The following KCNJ6 variants were observed in gnomAD, a reference collection of about 807,000 sequenced individuals.
The protein encoded by KCNJ6 is G protein-activated inward rectifier potassium channel 2.
KCNJ6 carries 9 observed loss-of-function variants against 34.2 expected under a neutral mutation model. The ratio of observed to expected loss-of-function variants is 0.26; its 90% CI spans 0.16 to 0.46. KCNJ6 has a LOEUF of 0.46. KCNJ6 is among the 20% of genes least tolerant of loss of function. KCNJ6 has a pLI of 1.00. For missense variants in KCNJ6, 236 were observed against 531.3 expected (o/e 0.44, Z 5.46); for synonymous variants, 196 against 207.1 (o/e 0.95, Z 0.46).
At chr21:37,686,980 A>G (rs143907376) in intron 3 of KCNJ6, among the ~76,000 whole-genome samples, 1 of 152,134 alleles carries the variant, frequency 6.6e-6, no homozygotes, top group Non-Finnish European at 1.5e-5. Context: ...CAGACTTGCA[A>G]TACACATTCT....
rs1215278055 is a variant in KCNJ6 at position 37,611,860 on chromosome 21, C to T, written c.*13299G>A. On this transcript the variant is annotated 3_prime_UTR_variant, in exon 4 of 4. Transcript: ENST00000609713. ...AACAATATCTAAAAAAAAAACCTTACAGCTAACATCATACTAAATGGCGTG... is the reference window on the plus strand; with the variant it reads ...AACAATATCTAAAAAAAAAACCTTATAGCTAACATCATACTAAATGGCGTG... The T allele has an allele frequency of 6.6e-6, 1 of 151,908 alleles. No homozygotes were observed. Among genetic ancestry groups the T allele is most frequent in the Non-Finnish European group, 1.5e-5 (1 of 67,962 alleles). The allele number at this position is 151,908 out of a possible 1,614,324, so 9.4% of individuals were successfully genotyped here.
At chr21:37,720,881 G>C (rs1041641394) in intron 2 of KCNJ6, among the ~76,000 whole-genome samples, 7 of 150,976 alleles carry the variant, frequency 4.6e-5, no homozygotes, top group South Asian at 2.1e-4. Flanking sequence ...CTAATTTTTT[G>C]TATTTTTAGT....
intron 2 of KCNJ6, among the ~76,000 whole-genome samples, chr21:37,733,670 C>T (rs536311267): frequency 6.6e-6 from 1 of 152,244 alleles, no homozygotes; most frequent in Admixed American, 6.5e-5. Flanking sequence ...TTTGAATGGT[C>T]TGATGCATTG....
At chr21:37,808,077 C>T (rs59796304) in intron 2 of KCNJ6, among the ~76,000 whole-genome samples, 1,684 of 152,314 alleles carry the variant, frequency 0.011, 37 homozygotes, top group African/African-American at 0.039. Context: ...AAGGTAGCCA[C>T]ACCTCTACTA....
At chr21:37,913,130 A>C (rs1440439822) in intron 1 of KCNJ6, among the ~76,000 whole-genome samples, 2 of 152,184 alleles carry the variant, frequency 1.3e-5, no homozygotes, top group Non-Finnish European at 2.9e-5. Context: ...TCTTCATATC[A>C]GTGACAGTTG....
chr21:37,688,072 A>C (rs1310475476), intron 3 of KCNJ6, among the ~76,000 whole-genome samples: 2 of 152,164 alleles, frequency 1.3e-5, no homozygotes. Context: ...AGAAATAGAG[A>C]ACTCTCTATT....
At chr21:37,728,574 G>A (rs564632627) in intron 2 of KCNJ6, among the ~76,000 whole-genome samples, 4 of 152,280 alleles carry the variant, frequency 2.6e-5, no homozygotes, top group Admixed American at 2.0e-4. Context: ...AAAGAGCTAC[G>A]ATGCTATAGC....
chr21:37,804,215 T>A (rs532528963), intron 2 of KCNJ6, among the ~76,000 whole-genome samples: 91 of 152,268 alleles, frequency 6.0e-4, no homozygotes, highest in African/African-American at 2.1e-3. Flanking sequence ...GTGGGGAAAT[T>A]GCAACACTCA....
intron 1 of KCNJ6, among the ~76,000 whole-genome samples, chr21:37,902,018 C>T (rs2055819318): frequency 6.6e-6 from 1 of 152,106 alleles, no homozygotes; most frequent in South Asian, 2.1e-4. Context: ...TCTAATAGAG[C>T]TCAGTGTCTG....
intron 1 of KCNJ6, among the ~76,000 whole-genome samples, chr21:37,853,844 A>ATGTGTATACACATATATATATG (rs916266559): frequency 9.1e-6 from 1 of 109,356 alleles, no homozygotes; most frequent in Admixed American, 1.0e-4. Context: ...ACATATATAT[A>ATGTGTATACACATATATATATG]TGTATATATA....
chr21:37,912,442 A>G (rs1239797744), intron 1 of KCNJ6, among the ~76,000 whole-genome samples: 1 of 152,150 alleles, frequency 6.6e-6, no homozygotes, highest in Admixed American at 6.5e-5. Context: ...TTTTTAATTT[A>G]TTAGAGAAAT....
chr21:37,900,149 C>T (rs553996507), intron 1 of KCNJ6, among the ~76,000 whole-genome samples: 1 of 152,272 alleles, frequency 6.6e-6, no homozygotes, highest in South Asian at 2.1e-4. Context: ...CAAAAAAGTG[C>T]CTACCCTTTT....
At chr21:37,844,919 G>T (rs1006922767) in intron 1 of KCNJ6, among the ~76,000 whole-genome samples, 10 of 152,166 alleles carry the variant, frequency 6.6e-5, no homozygotes, top group Non-Finnish European at 1.0e-4. Flanking sequence ...GCCTCATCTG[G>T]AGGTCATGGC....
At chr21:37,641,402 G>T (rs917505715) in intron 3 of KCNJ6, among the ~76,000 whole-genome samples, 2 of 152,158 alleles carry the variant, frequency 1.3e-5, no homozygotes, top group African/African-American at 4.8e-5. Flanking sequence ...TTCATTGGAT[G>T]TATAGTCTAC....
chr21:37,862,320 T>A (rs2055598670), intron 1 of KCNJ6, among the ~76,000 whole-genome samples: 2 of 152,242 alleles, frequency 1.3e-5, no homozygotes, highest in Admixed American at 6.5e-5. Context: ...ATGTGCTTTT[T>A]TTGGCAAGCA....
At position 37,622,433 on chromosome 21, in the gene KCNJ6, G is replaced by C. The variant is rs1437335112; in HGVS notation, c.*2726C>G. The C allele has an allele frequency of 1.3e-5, 2 of 152,170 alleles. No individual in the cohort carries two copies. Among genetic ancestry groups the C allele is most frequent in the Non-Finnish European group, 2.9e-5 (2 of 68,042 alleles). 9.4% of individuals were successfully genotyped at this position (152,170 alleles called of 1,614,324 possible). On this transcript the variant is annotated 3_prime_UTR_variant, in exon 4 of 4. Transcript: ENST00000609713. ...GAAAATCAGTCTCAATGAACTTTCA[G>C]TTCCAAATTTTAACAGTTGACACAA...
chr21:37,913,969 C>G (rs2055879748), intron 1 of KCNJ6, among the ~76,000 whole-genome samples: 2 of 150,932 alleles, frequency 1.3e-5, no homozygotes, highest in South Asian at 2.1e-4. Context: ...GCCAAAGGGA[C>G]TCAGCTGAAA....
intron 2 of KCNJ6, among the ~76,000 whole-genome samples, chr21:37,769,111 G>A (rs2055105275): frequency 6.6e-6 from 1 of 152,210 alleles, no homozygotes; most frequent in African/African-American, 2.4e-5. Context: ...TGCGCACGGG[G>A]TGATGTGGAG....
At chr21:37,723,185 C>G (rs1205290004) in intron 2 of KCNJ6, among the ~76,000 whole-genome samples, 5 of 152,182 alleles carry the variant, frequency 3.3e-5, no homozygotes, top group African/African-American at 9.7e-5. Flanking sequence ...TGTTTAACAT[C>G]TCCGATCATC....
Sources: gnomAD v4.1 joint callset for allele counts (sites outside exome capture counted in the v4.1 genomes callset) on GRCh38, gnomAD v4.1.1 for gene constraint, MANE v1.5 for transcripts, NCBI Gene and HGNC (gene_info 2026-07-23, HGNC 2026-07-21) for gene names.